Variants in SAMD4B observed in about 807,000 individuals in gnomAD.
SAMD4B encodes protein Smaug homolog 2.
A neutral mutation model predicts 74.5 loss-of-function variants in SAMD4B; 5 were observed. The observed-to-expected ratio is 0.07, with a 90% CI of 0.04 to 0.14. The LOEUF (loss-of-function observed/expected upper bound fraction) is 0.14, where lower values mean the gene tolerates loss of function less well. SAMD4B is among the 10% of genes least tolerant of loss of function. The probability of loss-of-function intolerance (pLI) is 1.00; values close to 1 mark genes in which losing one functional copy is unlikely to be tolerated. For missense variants in SAMD4B, 608 were observed against 921.8 expected (o/e 0.66, Z 4.41); for synonymous variants, 373 against 374.9 (o/e 1.00, Z 0.06).
rs950090641 is a variant in SAMD4B, at chr19:39,354,472, G to A, written c.-206+406G>A. On this transcript the variant is annotated intron_variant, in intron 2 of 13. Transcript: ENST00000610417. ...CCCCCTAGGGCTATAGAAATCCCAA[G>A]TGTGGCTTCCACATTCACCTTCTAT... Among the ~76,000 whole-genome samples, 28 of 152,146 alleles carry A rather than the reference G, an allele frequency of 1.8e-4. No homozygotes were observed. The South Asian group carries it at 5.6e-3, about 30-fold the overall frequency.
intron 3 of SAMD4B, among the ~76,000 whole-genome samples, chr19:39,362,907 C>T (rs746398383): frequency 6.6e-6 from 1 of 152,050 alleles, no homozygotes; most frequent in Non-Finnish European, 1.5e-5. Flanking sequence ...GTCATCAGAG[C>T]TCAGCCCTGT....
rs57692561 is a variant in SAMD4B at position 39,352,700 on chromosome 19, A to G, written c.-266-1306A>G. ...TATTATGTCCGAAAGCTTTGCTTCT[A>G]TCGTTTGGCCTGGGGGGAAAAGCTG... On this transcript the variant is annotated intron_variant, in intron 1 of 13. Transcript: ENST00000610417. Among the ~76,000 whole-genome samples, 924 of 150,104 alleles carry G rather than the reference A, an allele frequency of 6.2e-3. 9 individuals carry two copies. The highest frequency in any genetic ancestry group is 0.021 in the African/African-American group (876 of 40,840).
intron 3 of SAMD4B, chr19:39,369,029 G>A (rs62119699): frequency 0.012 from 1,846 of 153,110 alleles, 10 homozygotes; most frequent in Non-Finnish European, 0.019. Context: ...TGGAGATAAA[G>A]CATGAGAGCA....
intron 3 of SAMD4B, among the ~76,000 whole-genome samples, chr19:39,367,332 A>G (rs1168869701): frequency 6.6e-6 from 1 of 152,088 alleles, no homozygotes; most frequent in African/African-American, 2.4e-5. Context: ...TTGGCTACAG[A>G]TGTGAGCTCA....
rs769609604 is a variant in SAMD4B, at chr19:39,379,974, G to T, written c.1539G>T (p.Thr513=). The change falls in exon 10 of 14, where the codon ACG becomes ACT. Residue 513 remains threonine, a synonymous_variant. Coordinates refer to ENST00000610417, the MANE Select transcript of SAMD4B (RefSeq NM_001384574.2). ...TGTCCTGCCAATTCTAGGCTTTCAC[G>T]GAGACGCAGAAGAAACGGCTGCTAT... ...IEKCLTHEAF[T]ETQKKRLLSW... 3.7e-6 allele frequency: 6 copies of T among 1,613,704 alleles called. No individual in the cohort carries two copies. Among genetic ancestry groups the T allele is most frequent in the Non-Finnish European group, 5.1e-6 (6 of 1,179,782 alleles).
Position 39,370,097 on chromosome 19 carries a change from C to G in SAMD4B, c.639C>G (p.Ile213Met), listed in dbSNP as rs1446432603. The part of the protein sequence containing the change: ...FHPSSSVPPA[I>M]NSIGSNANTG... ...CATCCAGCTCAGTGCCGCCAGCCAT[C>G]AACAGTATTGGGAGCAATGCAAACA... is the stretch of plus-strand genomic sequence containing the variant. Residue 213 changes from isoleucine to methionine, a missense_variant, in exon 4 of 14, where the codon ATC (isoleucine) becomes ATG (methionine). This residue lies in a region of SAMD4B where 153 missense variants were observed against 153.0 expected (regional missense o/e 1.00). Coordinates refer to ENST00000610417, the MANE Select transcript of SAMD4B (RefSeq NM_001384574.2). 6.2e-6 allele frequency: 10 copies of G among 1,601,590 alleles called. No homozygotes were observed. Among genetic ancestry groups the G allele is most frequent in the Non-Finnish European group, 8.5e-6 (10 of 1,174,072 alleles).
chr19:39,357,183 A>C, intron 3 of SAMD4B, 94 bp downstream of exon 3: 2 of 1,159,910 alleles, frequency 1.7e-6, no homozygotes, highest in South Asian at 1.7e-5. Flanking sequence ...AATGGGACTA[A>C]AAAACGTGGG....
chr19:39,370,891 A>G (rs1362111568), intron 4 of SAMD4B, among the ~76,000 whole-genome samples: 1 of 152,242 alleles, frequency 6.6e-6, no homozygotes, highest in African/African-American at 2.4e-5. Context: ...TCAGAGGTGA[A>G]GTGATGTGTT....
At position 39,342,484 on chromosome 19, in the gene SAMD4B, G is replaced by C. The variant is rs1002819222; in HGVS notation, c.-359G>C. 1.1e-5 allele frequency: 2 copies of C among 179,872 alleles called. No homozygotes were observed. Among genetic ancestry groups the C allele is most frequent in the African/African-American group, 4.9e-5 (2 of 41,218 alleles). 11.1% of individuals were successfully genotyped at this position (179,872 alleles called of 1,614,324 possible). A position where few individuals can be genotyped will look rare whatever the true frequency, so the allele number is the denominator to read the frequency against. On this transcript the variant is annotated 5_prime_UTR_variant, in exon 1 of 14. Coordinates refer to ENST00000610417, the MANE Select transcript of SAMD4B (RefSeq NM_001384574.2). ...GGCGGCGGTGGTCGGTGCGGGAGGA[G>C]GGAGGGGAGCTTGCGGGCCCGAGAG... is the stretch of plus-strand genomic sequence containing the variant.
chr19:39,343,350 C>T (rs777046737), intron 1 of SAMD4B, among the ~76,000 whole-genome samples: 8 of 150,694 alleles, frequency 5.3e-5, no homozygotes, highest in Non-Finnish European at 1.2e-4. Flanking sequence ...CAGAATGCCC[C>T]CGACGGACCG....
chr19:39,349,824 C>T (rs1210007318), intron 1 of SAMD4B: 1 of 152,238 alleles, frequency 6.6e-6, no homozygotes, highest in African/African-American at 2.4e-5. Flanking sequence ...CCAGGCTGGT[C>T]TCAAACTCCT....
Position 39,385,204 on chromosome 19 carries a change from C to T in SAMD4B, c.*1677C>T, listed in dbSNP as rs902755503. ...ATGTTTCTGTGCCTTTGCTCATCCC[C>T]TCAATCTCCCAGGGCTTCTCCAGTC... is the stretch of plus-strand genomic sequence containing the variant. On this transcript the variant is annotated 3_prime_UTR_variant, in exon 14 of 14. Coordinates refer to ENST00000610417, the MANE Select transcript of SAMD4B (RefSeq NM_001384574.2). 4.5e-6 allele frequency: 1 copy of T among 223,558 alleles called. No individual in the cohort carries two copies. Among genetic ancestry groups the T allele is most frequent in the African/African-American group, 2.3e-5 (1 of 43,904 alleles). 13.8% of individuals were successfully genotyped at this position (223,558 alleles called of 1,614,324 possible).
chr19:39,358,143 T>C (rs1600533021), intron 3 of SAMD4B, among the ~76,000 whole-genome samples: 1 of 152,082 alleles, frequency 6.6e-6, no homozygotes, highest in East Asian at 1.9e-4. Flanking sequence ...TGGTGGCAGG[T>C]GCCTGTAATC....
intron 5 of SAMD4B, 119 bp downstream of exon 5, chr19:39,376,008 G>A (rs904433869): frequency 1.5e-6 from 2 of 1,332,686 alleles, no homozygotes; most frequent in Admixed American, 2.3e-5. Context: ...CATGTCTGAG[G>A]GGAGTAGATA....
At chr19:39,387,965 C>T (rs2078289530), downstream of SAMD4B, among the ~76,000 whole-genome samples, 2 of 152,098 alleles carry the variant, frequency 1.3e-5, no homozygotes, top group Non-Finnish European at 2.9e-5. Context: ...TGGTGAAACC[C>T]CATCTCTATT....
chr19:39,388,897 G>A, downstream of SAMD4B: 1 of 1,611,312 alleles, frequency 6.2e-7, no homozygotes, highest in African/African-American at 1.3e-5. Flanking sequence ...GGTTAGATGG[G>A]AACAGGCACA....
intron 1 of SAMD4B, chr19:39,352,062 C>T (rs994222259): frequency 2.0e-5 from 3 of 152,234 alleles, no homozygotes; most frequent in South Asian, 2.1e-4. Flanking sequence ...GGAAGAGGGC[C>T]ATCCAGTCCT....
intron 3 of SAMD4B, among the ~76,000 whole-genome samples, chr19:39,365,242 TAAAAA>T (rs57136164): frequency 2.2e-5 from 2 of 90,884 alleles, no homozygotes; most frequent in African/African-American, 7.9e-5. Context: ...CGAGACTCCG[TAAAAA>T]AAAAAAAAAA....
chr19:39,386,425 T>G, downstream of SAMD4B: 2 of 1,614,038 alleles, frequency 1.2e-6, no homozygotes, highest in Non-Finnish European at 1.7e-6. This position sits in a 1 kb window ranked among gnomAD's most constrained non-coding sequence, Gnocchi z 6.1. Context: ...TGGAGAGAGA[T>G]GAAACCCACT....
Sources: allele counts gnomAD v4.1 joint callset (sites outside exome capture counted in the v4.1 genomes callset), GRCh38; gene constraint gnomAD v4.1.1; regional missense constraint gnomAD v4.1.1; non-coding constraint Gnocchi (gnomAD v3.1); transcripts MANE v1.5; gene names NCBI Gene and HGNC (gene_info 2026-07-23, HGNC 2026-07-21).